Variants in CPA6 observed in about 807,000 individuals in gnomAD.
The protein encoded by CPA6 is carboxypeptidase B.
A neutral mutation model predicts 63.3 loss-of-function variants in CPA6; 58 were observed. The observed-to-expected ratio is 0.92, with a 90% CI of 0.74 to 1.14. The LOEUF (loss-of-function observed/expected upper bound fraction) is 1.14, where lower values mean the gene tolerates loss of function less well. Among genes scored for constraint, CPA6 ranks in the 50% most tolerant of loss-of-function variants. The pLI is 0.00. For missense variants in CPA6, 565 were observed against 526.6 expected (o/e 1.07, Z -0.71); for synonymous variants, 185 against 179.0 (o/e 1.03, Z -0.27).
chr8:67,726,771 CCT>C (rs1384031682), intron 1 of CPA6, among the ~76,000 whole-genome samples: 5 of 152,192 alleles, frequency 3.3e-5, no homozygotes, highest in Non-Finnish European at 5.9e-5. Context: ...GAGCACTGCT[CCT>C]CTGTTTCACA....
chr8:67,583,027 T>C (rs1290371021), intron 2 of CPA6, among the ~76,000 whole-genome samples: 1 of 152,168 alleles, frequency 6.6e-6, no homozygotes, highest in East Asian at 1.9e-4. Context: ...GGATCAAGTA[T>C]TGATATCTGG....
chr8:67,669,233 A>C (rs1210977954), intron 1 of CPA6, among the ~76,000 whole-genome samples: 1 of 151,926 alleles, frequency 6.6e-6, no homozygotes, highest in Non-Finnish European at 1.5e-5. Context: ...CAACAGTCTT[A>C]AGTGAGTGCT....
At position 67,483,774 on chromosome 8, in the gene CPA6, A is replaced by C; in HGVS notation, c.832T>G (p.Trp278Gly). 1 of 1,613,734 alleles carries C rather than the reference A, an allele frequency of 6.2e-7. No individual in the cohort carries two copies. Among genetic ancestry groups the C allele is most frequent in the Non-Finnish European group, 8.5e-7 (1 of 1,179,712 alleles). Residue 278 changes from tryptophan to glycine, a missense_variant, in exon 8 of 11, where the codon TGG becomes GGG. By Grantham distance (184) the Trp-to-Gly change is radical. Transcript: ENST00000297770. ...CAGTTGGTCCCAAACTTACCACACC[A>C]CTTCACTTTCCAGTTTCTATTGGCA... ...VDANRNWKVK[W>G]CDEGASMHPC...
At chr8:67,615,923 C>T (rs144610009) in intron 2 of CPA6, among the ~76,000 whole-genome samples, 39 of 152,262 alleles carry the variant, frequency 2.6e-4, no homozygotes, top group African/African-American at 1.2e-4. Context: ...TGAGCTAAGG[C>T]GCTTAGGTGA....
At chr8:67,680,553 T>G (rs539332194) in intron 1 of CPA6, among the ~76,000 whole-genome samples, 4 of 151,024 alleles carry the variant, frequency 2.6e-5, no homozygotes, top group African/African-American at 7.3e-5. Flanking sequence ...CACACAGACA[T>G]ACATACACAG....
chr8:67,674,140 G>T (rs1816417512), intron 1 of CPA6, among the ~76,000 whole-genome samples: 1 of 152,210 alleles, frequency 6.6e-6, no homozygotes, highest in Non-Finnish European at 1.5e-5. Flanking sequence ...GTCATGACAT[G>T]ACAGAGAGGG....
intron 1 of CPA6, among the ~76,000 whole-genome samples, chr8:67,696,101 G>C (rs1052138672): frequency 7.2e-5 from 11 of 152,144 alleles, no homozygotes; most frequent in African/African-American, 2.7e-4. Flanking sequence ...TGACCACCAA[G>C]GGGAAATTGG....
intron 2 of CPA6, among the ~76,000 whole-genome samples, chr8:67,609,236 A>G (rs1259731461): frequency 6.6e-6 from 1 of 152,224 alleles, no homozygotes; most frequent in Non-Finnish European, 1.5e-5. Flanking sequence ...CCTGATTACA[A>G]CACCCTCAAA....
intron 6 of CPA6, among the ~76,000 whole-genome samples, chr8:67,503,822 G>T (rs1426287804): frequency 1.3e-5 from 2 of 152,018 alleles, no homozygotes; most frequent in Non-Finnish European, 2.9e-5. Context: ...TGCCACGGTG[G>T]TTTGCTGTGC....
At position 67,449,876 on chromosome 8, in the gene CPA6, C is replaced by T. The variant is rs560887771; in HGVS notation, c.839-15636G>A. Among the ~76,000 whole-genome samples the T allele has an allele frequency of 4.1e-4, 58 of 140,166 alleles. 1 individual carries two copies. The highest frequency in any genetic ancestry group is 1.8e-3 in the Admixed American group (24 of 13,074). 92.0% of individuals were successfully genotyped at this position (140,166 alleles called of 152,430 possible). A position where few individuals can be genotyped will look rare whatever the true frequency, so the allele number is the denominator to read the frequency against. ...CCCCAGGCTGGATGGAGTGCAGTGG[C>T]GCCATCTGAGCTCACTGCAACCTCC... On this transcript the variant is annotated intron_variant, in intron 8 of 10. Transcript: ENST00000297770.
intron 2 of CPA6, among the ~76,000 whole-genome samples, chr8:67,533,914 G>A (rs1045578090): frequency 1.2e-4 from 19 of 152,282 alleles, no homozygotes; most frequent in African/African-American, 4.1e-4. Flanking sequence ...CCATCAAGTA[G>A]GTCTCATCCT....
At chr8:67,650,830 A>G (rs944769114) in intron 1 of CPA6, among the ~76,000 whole-genome samples, 8 of 152,172 alleles carry the variant, frequency 5.3e-5, no homozygotes, top group African/African-American at 1.4e-4. Flanking sequence ...ATGGGTTGCC[A>G]GCAGGGGACC....
intron 2 of CPA6, among the ~76,000 whole-genome samples, chr8:67,577,979 C>A (rs1813670077): frequency 1.3e-5 from 2 of 152,090 alleles, no homozygotes. Context: ...CTATAAAGAA[C>A]CAAACATAGT....
chr8:67,690,881 T>C (rs931443025), intron 1 of CPA6, among the ~76,000 whole-genome samples: 1 of 152,208 alleles, frequency 6.6e-6, no homozygotes, highest in South Asian at 2.1e-4. Flanking sequence ...AAACTTAAGA[T>C]AACAAATATA....
chr8:67,648,424 C>A (rs1450086642), intron 1 of CPA6, among the ~76,000 whole-genome samples: 1 of 152,132 alleles, frequency 6.6e-6, no homozygotes, highest in Admixed American at 6.5e-5. Context: ...GAAGGCTGTG[C>A]TGCATCATAC....
intron 1 of CPA6, among the ~76,000 whole-genome samples, chr8:67,651,216 C>T (rs1452611882): frequency 1.3e-5 from 2 of 152,048 alleles, no homozygotes; most frequent in African/African-American, 2.4e-5. Flanking sequence ...TAATTTTTCT[C>T]ATTTGGTGAA....
intron 1 of CPA6, among the ~76,000 whole-genome samples, chr8:67,707,156 CA>C (rs1429167604): frequency 1.3e-5 from 2 of 152,144 alleles, no homozygotes; most frequent in African/African-American, 4.8e-5. Context: ...AGGACTCTAA[CA>C]GGTGCTCTTA....
chr8:67,446,245 A>T (rs1810411770), intron 8 of CPA6, among the ~76,000 whole-genome samples: 1 of 124,626 alleles, frequency 8.0e-6, no homozygotes, highest in Non-Finnish European at 1.7e-5. Flanking sequence ...AGCCTGGGAG[A>T]CAGAGCGAGA....
chr8:67,739,159 T>C (rs1363555790), intron 1 of CPA6, among the ~76,000 whole-genome samples: 1 of 152,182 alleles, frequency 6.6e-6, no homozygotes, highest in Non-Finnish European at 1.5e-5. Flanking sequence ...ACTAGCTCAG[T>C]GGGCAGAGGA....
Sources: gnomAD v4.1 joint callset for allele counts (sites outside exome capture counted in the v4.1 genomes callset) on GRCh38, gnomAD v4.1.1 for gene constraint, MANE v1.5 for transcripts, NCBI Gene and HGNC (gene_info 2026-07-23, HGNC 2026-07-21) for gene names.